Variants in DENND5B observed in about 807,000 individuals in gnomAD.
The protein encoded by DENND5B is DENN domain containing 5B.
Under a neutral mutation model 140.6 loss-of-function variants are expected in DENND5B, and 34 were observed. The observed-to-expected ratio is 0.24, with a 90% confidence interval of 0.18 to 0.32. DENND5B has a LOEUF of 0.32. DENND5B is among the 10% of genes least tolerant of loss of function. The probability of loss-of-function intolerance (pLI) is 1.00; values close to 1 mark genes in which losing one functional copy is unlikely to be tolerated. For missense variants in DENND5B, 1,142 were observed against 1,560.2 expected (o/e 0.73, Z 4.52); for synonymous variants, 551 against 562.1 (o/e 0.98, Z 0.28).
intron 1 of DENND5B, among the ~76,000 whole-genome samples, chr12:31,529,991 A>G (rs1465676790): frequency 6.6e-6 from 1 of 152,214 alleles, no homozygotes. Flanking sequence ...AGCACTATAA[A>G]TCAATTTTAA....
At chr12:31,521,572 T>C (rs537875880) in intron 1 of DENND5B, among the ~76,000 whole-genome samples, 3 of 152,338 alleles carry the variant, frequency 2.0e-5, no homozygotes, top group African/African-American at 7.2e-5. Context: ...TGTTAGTCTG[T>C]CCTATACAAG....
chr12:31,422,262 CCAAA>C (rs67779261), intron 11 of DENND5B, among the ~76,000 whole-genome samples: 35,420 of 138,566 alleles, frequency 0.26, 4,633 homozygotes, highest in Non-Finnish European at 0.31. Flanking sequence ...TACTAAAAAT[CCAAA>C]AAAAAAAAAA....
intron 3 of DENND5B, among the ~76,000 whole-genome samples, chr12:31,469,052 G>A (rs1945416340): frequency 6.6e-6 from 1 of 151,934 alleles, no homozygotes; most frequent in Non-Finnish European, 1.5e-5. Context: ...AAAAATAGAG[G>A]TGGCCAGGTG....
intron 13 of DENND5B, 113 bp downstream of exon 13, chr12:31,413,323 T>C (rs1218477814): frequency 1.6e-6 from 2 of 1,264,806 alleles, no homozygotes. Context: ...GAAGAATGCA[T>C]GTGCACAGGA....
intron 1 of DENND5B, among the ~76,000 whole-genome samples, chr12:31,572,756 A>C (rs903370087): frequency 2.1e-4 from 32 of 152,288 alleles, no homozygotes; most frequent in Non-Finnish European, 4.1e-4. Context: ...CTAATTCTGG[A>C]TTTTAACTTC....
chr12:31,505,892 T>C (rs985642511), intron 1 of DENND5B, among the ~76,000 whole-genome samples: 50 of 152,164 alleles, frequency 3.3e-4, no homozygotes, highest in Admixed American at 2.0e-4. Context: ...TGGAGTTCAG[T>C]GGCACGATCA....
chr12:31,589,065 A>C (rs1406504187), intron 1 of DENND5B, among the ~76,000 whole-genome samples: 1 of 152,228 alleles, frequency 6.6e-6, no homozygotes, highest in Non-Finnish European at 1.5e-5. Context: ...CACACCTAAA[A>C]GGTACAGTTT....
chr12:31,413,912 G>A (rs1942593837), intron 12 of DENND5B, among the ~76,000 whole-genome samples: 1 of 152,156 alleles, frequency 6.6e-6, no homozygotes, highest in Admixed American at 6.5e-5. Flanking sequence ...ATGAAACAGG[G>A]TGAATACTCA....
intron 1 of DENND5B, among the ~76,000 whole-genome samples, chr12:31,542,476 T>C (rs1948714493): frequency 6.6e-6 from 1 of 152,040 alleles, no homozygotes. Context: ...AAAAAAATAA[T>C]GTAATTGTAC....
intron 11 of DENND5B, among the ~76,000 whole-genome samples, 181 bp from the exon 12 acceptor site, chr12:31,415,629 T>C (rs1593106031): frequency 6.6e-6 from 1 of 152,058 alleles, no homozygotes; most frequent in East Asian, 1.9e-4. Context: ...GAGCTTGGAG[T>C]GCAGTTTGCA....
intron 3 of DENND5B, among the ~76,000 whole-genome samples, chr12:31,474,166 G>A (rs1356329599): frequency 6.6e-6 from 1 of 152,224 alleles, no homozygotes; most frequent in Non-Finnish European, 1.5e-5. Flanking sequence ...TGGCAGACAA[G>A]CACTGCAAAG....
intron 3 of DENND5B, among the ~76,000 whole-genome samples, chr12:31,461,495 C>G (rs903491321): frequency 6.6e-6 from 1 of 152,038 alleles, no homozygotes. Context: ...TCCACAAGTC[C>G]GATTTAAATG....
At chr12:31,496,338 A>G (rs1227712561) in intron 1 of DENND5B, among the ~76,000 whole-genome samples, 1 of 152,198 alleles carries the variant, frequency 6.6e-6, no homozygotes, top group Non-Finnish European at 1.5e-5. Flanking sequence ...ACAGTGCTCA[A>G]AGGAAGCAAT....
rs551320784 is a variant in DENND5B at position 31,452,740 on chromosome 12, T to C, written c.1093-264A>G. ...GCCTTTTATGTTAATCTTTGCAAGGTTTAGAATTTCTTATTCTTTAAAAAT... is the reference window on the plus strand; with the variant it reads ...GCCTTTTATGTTAATCTTTGCAAGGCTTAGAATTTCTTATTCTTTAAAAAT... On this transcript the variant is annotated intron_variant, in intron 4 of 20. Coordinates refer to ENST00000389082, the MANE Select transcript of DENND5B (RefSeq NM_144973.4). Among the ~76,000 whole-genome samples, 7 of 152,316 alleles carry C rather than the reference T, an allele frequency of 4.6e-5. No homozygotes were observed. In the South Asian group the frequency reaches 1.4e-3, roughly 32 times the overall value.
At chr12:31,569,696 C>G (rs752402311) in intron 1 of DENND5B, among the ~76,000 whole-genome samples, 19 of 152,048 alleles carry the variant, frequency 1.2e-4, no homozygotes, top group Non-Finnish European at 1.2e-4. Flanking sequence ...CCTGTGATTC[C>G]AGCTACTCAA....
In DENND5B at chr12:31,468,180, A is replaced by C. The variant is rs1220781455; in HGVS notation, c.905-7799T>G. Reference sequence around the variant, plus strand: ...GAGGTGGGAAGATGGCCTGACCCTGAGAAGTTGAGGCTGCCATAAGCTGTG... The same window carrying C: ...GAGGTGGGAAGATGGCCTGACCCTGCGAAGTTGAGGCTGCCATAAGCTGTG... On this transcript the variant is annotated intron_variant, in intron 3 of 20. Transcript: ENST00000389082. Among the ~76,000 whole-genome samples the C allele has an allele frequency of 3.9e-5, 6 of 152,216 alleles. No individual in the cohort carries two copies. In the East Asian group the frequency reaches 1.2e-3, roughly 29 times the overall value.
intron 20 of DENND5B, among the ~76,000 whole-genome samples, chr12:31,388,639 T>C (rs1409214182): frequency 2.0e-5 from 3 of 152,046 alleles, no homozygotes; most frequent in Non-Finnish European, 4.4e-5. Context: ...ATGGGTAACT[T>C]AAAAAAAGAA....
intron 1 of DENND5B, among the ~76,000 whole-genome samples, chr12:31,528,382 A>G (rs1565666874): frequency 6.6e-6 from 1 of 152,160 alleles, no homozygotes; most frequent in Non-Finnish European, 1.5e-5. Context: ...TAGCATTTAG[A>G]GCCAACCAGG....
rs144294466 is a variant in DENND5B, at chr12:31,548,000, C to G, written c.127+42706G>C. Among the ~76,000 whole-genome samples, 1,414 of 152,272 alleles carry G rather than the reference C, an allele frequency of 9.3e-3. 24 individuals carry two copies. The highest frequency in any genetic ancestry group is 0.032 in the African/African-American group (1,337 of 41,542). On this transcript the variant is annotated intron_variant, in intron 1 of 20. Coordinates refer to ENST00000389082, the MANE Select transcript of DENND5B (RefSeq NM_144973.4). ...GGACTGAAGGTGTGAGCCACCGCAC[C>G]CAGCCTCTAAAAAGTTTTAAAGGCA...
Sources: allele counts gnomAD v4.1 joint callset (sites outside exome capture counted in the v4.1 genomes callset), GRCh38; gene constraint gnomAD v4.1.1; transcripts MANE v1.5; gene names NCBI Gene and HGNC (gene_info 2026-07-23, HGNC 2026-07-21).